NXPH1: variants seen among roughly 807,000 people sequenced by gnomAD.
NXPH1 encodes neurexophilin 1.
Under a neutral mutation model 23.7 loss-of-function variants are expected in NXPH1, and 5 were observed. That is an observed-to-expected ratio of 0.21 (90% confidence interval 0.11 to 0.44). NXPH1 has a LOEUF of 0.44. Among genes scored for constraint, NXPH1 ranks in the 20% least tolerant of loss-of-function variants. NXPH1 has a pLI of 0.99. For missense variants in NXPH1, 324 were observed against 321.6 expected, an observed-to-expected ratio of 1.01 and a Z score of -0.06; for synonymous variants, 144 against 122.2, an observed-to-expected ratio of 1.18 and a Z score of -1.18.
intron 2 of NXPH1, among the ~76,000 whole-genome samples, chr7:8,723,333 T>A (rs917363545): frequency 6.6e-6 from 1 of 152,204 alleles, no homozygotes; most frequent in African/African-American, 2.4e-5. Flanking sequence ...CACATTAGGA[T>A]CAAATTTCTA....
Position 8,751,677 on chromosome 7 carries a change from A to G in NXPH1, c.724A>G (p.Ile242Val). The G allele has an allele frequency of 6.2e-7, 1 of 1,613,058 alleles. No individual in the cohort carries two copies. The highest frequency in any genetic ancestry group is 8.5e-7 in the Non-Finnish European group (1 of 1,179,506). ...GCCCTTTAAGGTGATCTGTATTTAC[A>G]TTTCCTTTTATAGTACAGATTATAA... is the stretch of plus-strand genomic sequence containing the variant. ...SKPFKVICIY[I>V]SFYSTDYKLV... Residue 242 changes from isoleucine (I) to valine (V), a missense_variant, in exon 3 of 3, where the codon ATT (isoleucine) becomes GTT (valine). Coordinates refer to ENST00000405863, the MANE Select transcript of NXPH1 (RefSeq NM_152745.3). This position sits in a 1 kb window ranked among gnomAD's most constrained non-coding sequence, Gnocchi z 4.5.
At chr7:8,621,693 C>T (rs1047290071) in intron 2 of NXPH1, among the ~76,000 whole-genome samples, 2 of 152,056 alleles carry the variant, frequency 1.3e-5, no homozygotes, top group African/African-American at 4.8e-5. Flanking sequence ...ACCATGTTGA[C>T]AAGGCTAGTC....
intron 2 of NXPH1, among the ~76,000 whole-genome samples, chr7:8,465,324 T>G (rs1816767751): frequency 1.3e-5 from 2 of 152,302 alleles, no homozygotes; most frequent in Middle Eastern, 3.4e-3. Flanking sequence ...GAATTTAGAA[T>G]AGTGGAATTT....
intron 2 of NXPH1, among the ~76,000 whole-genome samples, chr7:8,598,513 G>T (rs6974213): frequency 6.6e-6 from 1 of 151,926 alleles, no homozygotes; most frequent in Admixed American, 6.6e-5. Context: ...CTTCTGGAGC[G>T]CCAAGGGCCC....
intron 2 of NXPH1, among the ~76,000 whole-genome samples, chr7:8,631,135 C>T (rs1021537533): frequency 6.6e-6 from 1 of 152,126 alleles, no homozygotes; most frequent in Non-Finnish European, 1.5e-5. Flanking sequence ...GCATAGTATT[C>T]TATGGTTTAT....
intron 2 of NXPH1, among the ~76,000 whole-genome samples, chr7:8,739,318 CTA>C (rs1780321651): frequency 6.6e-6 from 1 of 151,172 alleles, no homozygotes; most frequent in Non-Finnish European, 1.5e-5. Context: ...GTTGTGAAGA[CTA>C]TGGGAAAAGT....
intron 2 of NXPH1, among the ~76,000 whole-genome samples, chr7:8,731,358 A>G (rs905023954): frequency 1.2e-4 from 18 of 152,184 alleles, no homozygotes; most frequent in Admixed American, 1.3e-4. Flanking sequence ...GTCATTCTCA[A>G]TCCAGCTTTG....
At position 8,594,373 on chromosome 7, in the gene NXPH1, G is replaced by T. The variant is rs1041210097; in HGVS notation, c.55-156635G>T. Among the ~76,000 whole-genome samples the T allele has an allele frequency of 2.4e-4, 36 of 152,070 alleles. 1 individual carries two copies. The highest frequency in any genetic ancestry group is 8.2e-4 in the African/African-American group (34 of 41,412). On this transcript the variant is annotated intron_variant, in intron 2 of 2. Transcript: ENST00000405863. Reference sequence around the variant, plus strand: ...ATGTCATTGTTGACGATGGTAAACAGCTGGTAAAGATAACTGCCTGGAACA... The same window carrying T: ...ATGTCATTGTTGACGATGGTAAACATCTGGTAAAGATAACTGCCTGGAACA...
chr7:8,493,542 C>A (rs1817286911), intron 2 of NXPH1, among the ~76,000 whole-genome samples: 1 of 152,028 alleles, frequency 6.6e-6, no homozygotes, highest in Non-Finnish European at 1.5e-5. Flanking sequence ...TTACCTTGAG[C>A]AGAAAACTGG....
chr7:8,482,649 C>A (rs1247975754), intron 2 of NXPH1, among the ~76,000 whole-genome samples: 1 of 152,146 alleles, frequency 6.6e-6, no homozygotes, highest in Non-Finnish European at 1.5e-5. Context: ...GTACAAAAGG[C>A]CAATAATGCT....
chr7:8,704,033 C>T (rs549143903), intron 2 of NXPH1, among the ~76,000 whole-genome samples: 1 of 152,020 alleles, frequency 6.6e-6, no homozygotes, highest in African/African-American at 2.4e-5. Flanking sequence ...TAATTTATAT[C>T]AAAAGTTTCA....
chr7:8,751,865 T>C lies in NXPH1; in HGVS notation c.*96T>C. ...AGAAGGTCACATCTGTTGCCTGGAA[T>C]GTGTCTACACTGCTGCTCTTGTCAA... is the stretch of plus-strand genomic sequence containing the variant. On this transcript the variant is annotated 3_prime_UTR_variant, in exon 3 of 3. Transcript: ENST00000405863. This position sits in a 1 kb window ranked among gnomAD's most constrained non-coding sequence, Gnocchi z 4.5. 8.4e-7 allele frequency: 1 copy of C among 1,187,856 alleles called. No homozygotes were observed. Among genetic ancestry groups the C allele is most frequent in the Non-Finnish European group, 1.2e-6 (1 of 865,504 alleles). 73.6% of individuals were successfully genotyped at this position (1,187,856 alleles called of 1,614,324 possible). A position where few individuals can be genotyped will look rare whatever the true frequency, so the allele number is the denominator to read the frequency against.
At chr7:8,703,045 G>C (rs1291569080) in intron 2 of NXPH1, among the ~76,000 whole-genome samples, 1 of 152,070 alleles carries the variant, frequency 6.6e-6, no homozygotes, top group African/African-American at 2.4e-5. Flanking sequence ...ATTGCTGGAG[G>C]AAGAGAGGGA....
intron 2 of NXPH1, among the ~76,000 whole-genome samples, chr7:8,678,197 A>T (rs1337153360): frequency 6.6e-6 from 1 of 152,206 alleles, no homozygotes; most frequent in Non-Finnish European, 1.5e-5. Flanking sequence ...ACTATTGTTT[A>T]GTAGCCCAAG....
chr7:8,518,377 T>C (rs766104052), intron 2 of NXPH1, among the ~76,000 whole-genome samples: 113 of 152,146 alleles, frequency 7.4e-4, no homozygotes, highest in Admixed American at 1.7e-3. Context: ...ATGTCTCACA[T>C]TTTCAAGGTA....
intron 2 of NXPH1, among the ~76,000 whole-genome samples, chr7:8,458,041 G>T (rs968187965): frequency 6.6e-6 from 1 of 152,180 alleles, no homozygotes; most frequent in East Asian, 1.9e-4. Context: ...ATTTTAATTG[G>T]AACTGATGCA....
At chr7:8,575,576 T>C (rs1421452183) in intron 2 of NXPH1, among the ~76,000 whole-genome samples, 1 of 152,194 alleles carries the variant, frequency 6.6e-6, no homozygotes, top group African/African-American at 2.4e-5. Flanking sequence ...CTAACTTTTC[T>C]GCAGAAAGAA....
chr7:8,727,623 G>C (rs1032044076), intron 2 of NXPH1, among the ~76,000 whole-genome samples: 11 of 152,250 alleles, frequency 7.2e-5, no homozygotes, highest in Admixed American at 6.5e-4. Flanking sequence ...GTGTTTCTCA[G>C]GTTTGTCAAA....
At chr7:8,657,020 G>T (rs1334235210) in intron 2 of NXPH1, among the ~76,000 whole-genome samples, 1 of 152,122 alleles carries the variant, frequency 6.6e-6, no homozygotes, top group Non-Finnish European at 1.5e-5. Flanking sequence ...TTCCACAGCT[G>T]GTGGATCTTT....
Sources: allele counts gnomAD v4.1 joint callset (sites outside exome capture counted in the v4.1 genomes callset), GRCh38; gene constraint gnomAD v4.1.1; non-coding constraint Gnocchi (gnomAD v3.1); transcripts MANE v1.5; gene names NCBI Gene and HGNC (gene_info 2026-07-23, HGNC 2026-07-21).